Variants in FAT4 observed in about 807,000 individuals in gnomAD.
The protein encoded by FAT4 is protocadherin Fat 4.
A neutral mutation model predicts 303.9 loss-of-function variants in FAT4; 84 were observed. That is an observed-to-expected ratio of 0.28 (90% CI 0.23 to 0.33). The LOEUF is 0.33. FAT4 is among the 10% of genes least tolerant of loss of function. The pLI is 1.00. For missense variants in FAT4, 6,005 were observed against 6,146.8 expected (o/e 0.98, Z 0.77); for synonymous variants, 2,307 against 2,298.8 (o/e 1.00, Z -0.10).
intron 2 of FAT4, among the ~76,000 whole-genome samples, chr4:125,369,553 T>G (rs1352089677): frequency 6.6e-6 from 1 of 152,238 alleles, no homozygotes; most frequent in Non-Finnish European, 1.5e-5. Flanking sequence ...ATTCATTCTG[T>G]TGTTTAATGA....
In FAT4 at chr4:125,316,543, G is replaced by A. The variant is rs763601689; in HGVS notation, c.132G>A (p.Glu44=). The A allele has an allele frequency of 9.9e-6, 16 of 1,614,012 alleles. No homozygotes were observed. In the Admixed American group the frequency reaches 2.7e-4, roughly 27 times the overall value. The part of the protein sequence containing the change: ...LPGQAWVHGA[E]PRQVFQVLEE... ...GGCAGGCCTGGGTCCACGGGGCCGA[G>A]CCGCGCCAGGTGTTCCAAGTGCTGG... The change falls in exon 2 of 18, where the codon GAG becomes GAA. Residue 44 remains glutamate, a synonymous_variant. Transcript: ENST00000394329. The surrounding 1 kb of genome is among the most constrained non-coding windows in gnomAD (Gnocchi z 5.7).
In FAT4 at chr4:125,448,809, C is replaced by A. The variant is rs1378606538; in HGVS notation, c.7799C>A (p.Pro2600His). 1.2e-6 allele frequency: 2 copies of A among 1,609,432 alleles called. No homozygotes were observed. Among genetic ancestry groups the A allele is most frequent in the Non-Finnish European group, 8.5e-7 (1 of 1,179,856 alleles). ...TITGSSLRGEPMSYYIASGNL... is the reference protein window; with the variant it reads ...TITGSSLRGEHMSYYIASGNL... ...ACAGGATCCTCTTTAAGAGGAGAAC[C>A]TATGTCATATTATATCGCAAGTGGG... Residue 2600 changes from proline (P) to histidine (H), a missense_variant, in exon 10 of 18, where the codon CCT becomes CAT. Physicochemically the swap from Pro to His is moderately conservative, Grantham distance 77. Transcript: ENST00000394329.
chr4:125,470,993 T>G (rs554895544), intron 12 of FAT4, among the ~76,000 whole-genome samples: 12 of 152,342 alleles, frequency 7.9e-5, no homozygotes, highest in African/African-American at 2.4e-4. Context: ...TTCCTTTCAC[T>G]TGAGCACTTA....
At position 125,452,336 on chromosome 4, in the gene FAT4, G is replaced by A. The variant is rs1310518186; in HGVS notation, c.11326G>A (p.Val3776Met). The A allele has an allele frequency of 6.2e-7, 1 of 1,614,124 alleles. No homozygotes were observed. The highest frequency in any genetic ancestry group is 2.2e-5 in the East Asian group (1 of 44,892). ...AAVKRNHNQY[V>M]NPSGVATFFE... ...TGTGAAGCGAAATCATAATCAGTAT[G>A]TGAATCCCAGTGGCGTAGCCACCTT... Residue 3776 changes from valine to methionine, a missense_variant, in exon 10 of 18, where the codon GTG becomes ATG. Physicochemically the swap from Val to Met is conservative, Grantham distance 21 (BLOSUM62 1). Coordinates refer to ENST00000394329, the MANE Select transcript of FAT4 (RefSeq NM_001291303.3).
rs1368976937 is a variant in FAT4 at position 125,316,469 on chromosome 4, T to G, written c.58T>G (p.Ser20Ala). The G allele has an allele frequency of 6.2e-7, 1 of 1,613,840 alleles. No homozygotes were observed. Among genetic ancestry groups the G allele is most frequent in the Non-Finnish European group, 8.5e-7 (1 of 1,180,008 alleles). ...GRPWLPLHTL[S>A]VSQLLRVFWL... is the part of the protein sequence containing the mutation. ...CCCGTGGCTCCCGTTGCACACTCTA[T>G]CAGTATCTCAGCTCCTTCGAGTGTT... The change falls in exon 2 of 18, where the codon TCA becomes GCA. Residue 20 changes from serine to alanine, a missense_variant. Transcript: ENST00000394329. This position sits in a 1 kb window ranked among gnomAD's most constrained non-coding sequence, Gnocchi z 5.7.
At chr4:125,388,350 G>C (rs1329671233) in intron 2 of FAT4, among the ~76,000 whole-genome samples, 1 of 152,052 alleles carries the variant, frequency 6.6e-6, no homozygotes, top group African/African-American at 2.4e-5. Flanking sequence ...TTTTTCAGTA[G>C]TTTGAATAGA....
chr4:125,477,421 G>A (rs570322957), intron 14 of FAT4, 87 bp downstream of exon 14: 1 of 1,154,610 alleles, frequency 8.7e-7, no homozygotes, highest in Non-Finnish European at 1.2e-6. Context: ...AAATTATTAT[G>A]CTCAAATCTC....
At chr4:125,456,492 GA>G (rs914449245) in intron 10 of FAT4, among the ~76,000 whole-genome samples, 4 of 148,908 alleles carry the variant, frequency 2.7e-5, no homozygotes, top group African/African-American at 9.8e-5. Flanking sequence ...AATTCTGTAT[GA>G]AAAAAACCAT....
At chr4:125,431,619 T>A (rs1725286775) in intron 7 of FAT4, among the ~76,000 whole-genome samples, 1 of 152,196 alleles carries the variant, frequency 6.6e-6, no homozygotes, top group African/African-American at 2.4e-5. Context: ...CTAAGCACAT[T>A]ACATTTTTCT....
chr4:125,427,246 T>C (rs1725116590), intron 7 of FAT4, among the ~76,000 whole-genome samples: 1 of 151,916 alleles, frequency 6.6e-6, no homozygotes, highest in Non-Finnish European at 1.5e-5. Flanking sequence ...TTTTAACGAT[T>C]TTTTAAGTGT....
Position 125,398,775 on chromosome 4 carries a change from T to C in FAT4, c.5176-9T>C. 1 of 1,612,534 alleles carries C rather than the reference T, an allele frequency of 6.2e-7. No homozygotes were observed. The highest frequency in any genetic ancestry group is 8.5e-7 in the Non-Finnish European group (1 of 1,178,924). On this transcript the variant is annotated splice_polypyrimidine_tract_variant and intron_variant, in intron 2 of 17. Transcript: ENST00000394329. ...AGTCATTCACACATTGTTTCCTTTT[T>C]CTTTGTAGGTAGAAATAACACTTCA...
intron 16 of FAT4, among the ~76,000 whole-genome samples, chr4:125,485,126 A>T (rs1332510944): frequency 6.6e-6 from 1 of 152,162 alleles, no homozygotes; most frequent in Non-Finnish European, 1.5e-5. Flanking sequence ...AGAGTCATTA[A>T]GCAAGTGGTG....
At position 125,489,651 on chromosome 4, in the gene FAT4, A is replaced by T. The variant is rs903892424; in HGVS notation, c.13085-250A>T. 9.9e-4 allele frequency among the ~76,000 whole-genome samples: 150 copies of T among 152,276 alleles called. 2 individuals carry two copies. The highest frequency in any genetic ancestry group is 3.4e-3 in the Middle Eastern group (1 of 294). On this transcript the variant is annotated intron_variant, in intron 17 of 17. Coordinates refer to ENST00000394329, the MANE Select transcript of FAT4 (RefSeq NM_001291303.3). ...GCCCAAGTCATTCATAAATCTTCAG[A>T]ATGAGTGGGATTCAAGCAATCTGAC...
chr4:125,387,811 T>A (rs1334114371), intron 2 of FAT4, among the ~76,000 whole-genome samples: 1 of 152,196 alleles, frequency 6.6e-6, no homozygotes, highest in Non-Finnish European at 1.5e-5. Flanking sequence ...CCAGTAATTA[T>A]TTAGAACATG....
At position 125,319,737 on chromosome 4, in the gene FAT4, T is replaced by G; in HGVS notation, c.3326T>G (p.Phe1109Cys). The G allele has an allele frequency of 6.2e-7, 1 of 1,614,212 alleles. No homozygotes were observed. The highest frequency in any genetic ancestry group is 8.5e-7 in the Non-Finnish European group (1 of 1,180,028). The change falls in exon 2 of 18, where the codon TTC (phenylalanine) becomes TGC (cysteine). Residue 1109 changes from phenylalanine (F) to cysteine (C), a missense_variant. By Grantham distance (205) the Phe-to-Cys change is radical. Transcript: ENST00000394329. ...LFNSTNYTFYFEEEQRAGSFV... is the reference protein window; with the variant it reads ...LFNSTNYTFYCEEEQRAGSFV... ...AACAGTACCAATTACACATTTTACT[T>G]CGAAGAAGAGCAGAGGGCTGGGTCG...
intron 7 of FAT4, among the ~76,000 whole-genome samples, chr4:125,421,309 T>C (rs1044804589): frequency 1.3e-5 from 2 of 152,222 alleles, no homozygotes; most frequent in South Asian, 4.1e-4. Context: ...CTAAGCACTT[T>C]CTAAGCACAC....
At position 125,337,654 on chromosome 4, in the gene FAT4, T is replaced by G. The variant is rs11098806; in HGVS notation, c.5175+16068T>G. 4.0e-5 allele frequency among the ~76,000 whole-genome samples: 6 copies of G among 151,888 alleles called. No homozygotes were observed. The East Asian group carries it at 1.2e-3, about 29-fold the overall frequency. On this transcript the variant is annotated intron_variant, in intron 2 of 17. Transcript: ENST00000394329. ...ACTACATTATATGTTAAAACACTTA[T>G]GTAAACACAGCCAGATATAATTATA...
At chr4:125,380,341 A>C (rs1733494062) in intron 2 of FAT4, among the ~76,000 whole-genome samples, 1 of 152,222 alleles carries the variant, frequency 6.6e-6, no homozygotes, top group African/African-American at 2.4e-5. Flanking sequence ...TTGTCAAAAT[A>C]AAAAGGCTAT....
intron 2 of FAT4, among the ~76,000 whole-genome samples, chr4:125,339,227 G>A (rs922074017): frequency 6.6e-6 from 1 of 151,986 alleles, no homozygotes; most frequent in African/African-American, 2.4e-5. Context: ...ACAGTGGCAC[G>A]ATCTTGGCTC....
Sources: gnomAD v4.1 joint callset for allele counts (sites outside exome capture counted in the v4.1 genomes callset) on GRCh38, gnomAD v4.1.1 for gene constraint, Gnocchi (gnomAD v3.1) non-coding constraint, MANE v1.5 for transcripts, NCBI Gene and HGNC (gene_info 2026-07-23, HGNC 2026-07-21) for gene names.